The following TENM4 variants were observed in gnomAD, a reference collection of about 807,000 sequenced individuals.
TENM4 encodes the protein teneurin transmembrane protein 4, also known as teneurin-4.
TENM4 carries 82 observed loss-of-function variants against 243.3 expected under a neutral mutation model. The observed-to-expected ratio is 0.34, with a 90% CI of 0.28 to 0.40. The LOEUF (loss-of-function observed/expected upper bound fraction) is 0.40, where lower values mean the gene tolerates loss of function less well. Ranked by LOEUF, TENM4 falls within the 10% of genes least tolerant of loss-of-function variation. The probability of loss-of-function intolerance (pLI) is 1.00; values close to 1 mark genes in which losing one functional copy is unlikely to be tolerated. For missense variants in TENM4, 3,138 were observed against 3,673.3 expected (o/e 0.85, Z 3.77); for synonymous variants, 1,412 against 1,456.3 (o/e 0.97, Z 0.69).
chr11:78,722,410 T>A (rs898486452), intron 24 of TENM4, among the ~76,000 whole-genome samples: 1 of 152,200 alleles, frequency 6.6e-6, no homozygotes, highest in African/African-American at 2.4e-5. Context: ...GAGTCTAATT[T>A]TTGGCTGCTA....
intron 6 of TENM4, among the ~76,000 whole-genome samples, chr11:78,999,906 T>C (rs1448663363): frequency 1.3e-5 from 2 of 151,870 alleles, no homozygotes; most frequent in African/African-American, 4.9e-5. Flanking sequence ...TTAATCTATA[T>C]ATCCAAGAAG....
chr11:79,271,485 G>A (rs561955279), intron 2 of TENM4, among the ~76,000 whole-genome samples: 131 of 152,262 alleles, frequency 8.6e-4, no homozygotes, highest in African/African-American at 3.0e-3. Context: ...GGGCTGAATC[G>A]TATTTGCATT....
chr11:78,763,318 C>T (rs75896080), intron 18 of TENM4, among the ~76,000 whole-genome samples: 216 of 152,098 alleles, frequency 1.4e-3, no homozygotes, highest in Non-Finnish European at 1.5e-3. Context: ...AGGCCCTGGA[C>T]GCTAGGGATG....
chr11:79,005,582 G>A (rs1193813808), intron 6 of TENM4, among the ~76,000 whole-genome samples: 5 of 152,000 alleles, frequency 3.3e-5, no homozygotes, highest in Non-Finnish European at 5.9e-5. Context: ...CAACAAACTA[G>A]GCATTGAAGG....
intron 20 of TENM4, among the ~76,000 whole-genome samples, chr11:78,733,244 T>C (rs1855708286): frequency 6.6e-6 from 1 of 152,214 alleles, no homozygotes; most frequent in South Asian, 2.1e-4. Flanking sequence ...AGTGCCAGCC[T>C]CCTAGTTGAG....
At chr11:78,661,647 C>T in intron 32 of TENM4, 56 bp from the exon 33 acceptor site, 2 of 1,586,542 alleles carry the variant, frequency 1.3e-6, no homozygotes, top group South Asian at 2.3e-5. Context: ...TCATTTGCAA[C>T]CCATCCCCAT....
chr11:78,722,054 G>A (rs1041691057), intron 24 of TENM4, among the ~76,000 whole-genome samples: 2 of 152,176 alleles, frequency 1.3e-5, no homozygotes, highest in African/African-American at 4.8e-5. Flanking sequence ...CACCTGAGGA[G>A]CAGAGAGGTC....
Position 78,787,066 on chromosome 11 carries a change from A to C in TENM4, c.2197T>G (p.Cys733Gly). 5 of 1,547,796 alleles carry C rather than the reference A, an allele frequency of 3.2e-6. No homozygotes were observed. Among genetic ancestry groups the C allele is most frequent in the Non-Finnish European group, 4.4e-6 (5 of 1,144,744 alleles). Residue 733 changes from cysteine (C) to glycine (G), a missense_variant, in exon 16 of 34, where the codon TGT becomes GGT. Physicochemically the swap from Cys to Gly is radical, Grantham distance 159. Transcript: ENST00000278550. Reference protein sequence around the residue: ...DCSIEICAADCGGHGVCVGGT... With the variant: ...DCSIEICAADGGGHGVCVGGT... ...CCTACGCACACGCCATGGCCACCAC[A>C]GTCGGCAGCACAGATCTCTGTGGGG... is the stretch of plus-strand genomic sequence containing the variant.
intron 4 of TENM4, among the ~76,000 whole-genome samples, chr11:79,123,633 C>A (rs1218481980): frequency 1.4e-5 from 2 of 146,832 alleles, no homozygotes; most frequent in Admixed American, 6.9e-5. Flanking sequence ...ATTTACTGAG[C>A]ACTCACTGGG....
In TENM4 at chr11:78,868,051, T is replaced by C. The variant is rs541250573; in HGVS notation, c.1085-4919A>G. On this transcript the variant is annotated intron_variant, in intron 9 of 33. Transcript: ENST00000278550. ...AGCAGCTGAGTGCGTGTTATCCAAATGATTTGGAAGACAGAGCCACAGATT... is the reference window on the plus strand; with the variant it reads ...AGCAGCTGAGTGCGTGTTATCCAAACGATTTGGAAGACAGAGCCACAGATT... Among the ~76,000 whole-genome samples the C allele has an allele frequency of 4.6e-3, 629 of 137,528 alleles. 6 individuals are homozygous for C. Among genetic ancestry groups the C allele is most frequent in the Non-Finnish European group, 7.7e-3 (500 of 65,216 alleles). 90.2% of individuals were successfully genotyped at this position (137,528 alleles called of 152,430 possible).
At chr11:79,048,117 G>A (rs1859702943) in intron 6 of TENM4, among the ~76,000 whole-genome samples, 1 of 152,172 alleles carries the variant, frequency 6.6e-6, no homozygotes, top group African/African-American at 2.4e-5. Context: ...CTGACAGCCA[G>A]GAGCTGGCCT....
chr11:79,140,316 G>A (rs557043853), intron 4 of TENM4, among the ~76,000 whole-genome samples: 1 of 152,120 alleles, frequency 6.6e-6, no homozygotes, highest in East Asian at 1.9e-4. Context: ...TTCCCTCCGG[G>A]CTCCCTACCC....
At chr11:79,341,881 A>G in intron 1 of TENM4, among the ~76,000 whole-genome samples, 1 of 152,236 alleles carries the variant, frequency 6.6e-6, no homozygotes, top group East Asian at 1.9e-4. Flanking sequence ...CCAGACTATA[A>G]TAACTCTGGG....
chr11:79,291,069 G>C (rs1856348178), intron 2 of TENM4, among the ~76,000 whole-genome samples: 1 of 152,120 alleles, frequency 6.6e-6, no homozygotes, highest in African/African-American at 2.4e-5. Context: ...AGAAAACCAG[G>C]GTTTTTGCTG....
chr11:78,804,959 C>A (rs891012957), intron 15 of TENM4, among the ~76,000 whole-genome samples: 1 of 152,170 alleles, frequency 6.6e-6, no homozygotes, highest in Admixed American at 6.5e-5. Flanking sequence ...TACCTAGGTA[C>A]ACTTTCCCTA....
chr11:79,361,038 G>A (rs930858387), intron 1 of TENM4, among the ~76,000 whole-genome samples: 4 of 152,174 alleles, frequency 2.6e-5, no homozygotes, highest in African/African-American at 9.7e-5. Context: ...TGACAATGTA[G>A]TGAGATGATG....
At chr11:78,758,575 T>C (rs1856363973) in intron 18 of TENM4, among the ~76,000 whole-genome samples, 1 of 152,208 alleles carries the variant, frequency 6.6e-6, no homozygotes. Context: ...TCCATGGAGT[T>C]TACAATACAG....
At chr11:79,029,083 C>T (rs893379459) in intron 6 of TENM4, among the ~76,000 whole-genome samples, 36 of 152,238 alleles carry the variant, frequency 2.4e-4, no homozygotes, top group African/African-American at 8.4e-4. Flanking sequence ...AAATATTTTT[C>T]CCCTCGCATC....
intron 2 of TENM4, among the ~76,000 whole-genome samples, chr11:79,223,302 A>T (rs1392426514): frequency 6.6e-6 from 1 of 152,198 alleles, no homozygotes; most frequent in East Asian, 1.9e-4. Flanking sequence ...AGCCTGATGA[A>T]GTTTATGCTA....
Sources: allele counts gnomAD v4.1 joint callset (sites outside exome capture counted in the v4.1 genomes callset), GRCh38; gene constraint gnomAD v4.1.1; transcripts MANE v1.5; gene names NCBI Gene and HGNC (gene_info 2026-07-23, HGNC 2026-07-21).